The following MARCHF1 variants were observed in gnomAD, a reference collection of about 807,000 sequenced individuals.
MARCHF1 encodes the protein E3 ubiquitin-protein ligase MARCHF1.
A neutral mutation model predicts 54.2 loss-of-function variants in MARCHF1; 40 were observed. That is an observed-to-expected ratio of 0.74 (90% CI 0.57 to 0.96). The LOEUF is 0.96. Among genes scored for constraint, MARCHF1 ranks in the 40% least tolerant of loss-of-function variants. MARCHF1 has a pLI of 0.00. For synonymous variants in MARCHF1, 236 were observed against 236.3 expected (o/e 1.00, Z 0.01); for missense variants, 586 against 656.5 (o/e 0.89, Z 1.17).
Position 164,094,526 on chromosome 4 carries a change from C to T in MARCHF1, c.-248+17062G>A, listed in dbSNP as rs535828785. The stretch of plus-strand genomic sequence containing the variant: ...TCCATTGCCATAAGGTTATATAAGC[C>T]CTGCTTTCATATCACTCTTACCTAA... On this transcript the variant is annotated intron_variant, in intron 2 of 9. Coordinates refer to ENST00000514618, the MANE Select transcript of MARCHF1 (RefSeq NM_001394959.1). 5.9e-5 allele frequency among the ~76,000 whole-genome samples: 9 copies of T among 152,130 alleles called. No individual in the cohort carries two copies. The South Asian group carries it at 1.5e-3, about 25-fold the overall frequency.
chr4:163,679,318 T>C (rs1318093206), intron 5 of MARCHF1, among the ~76,000 whole-genome samples: 1 of 152,220 alleles, frequency 6.6e-6, no homozygotes, highest in Non-Finnish European at 1.5e-5. Flanking sequence ...TCTGAGTATG[T>C]TCTGCGTCCA....
At chr4:163,667,651 G>T (rs1743588719) in intron 5 of MARCHF1, among the ~76,000 whole-genome samples, 1 of 151,290 alleles carries the variant, frequency 6.6e-6, no homozygotes, top group Admixed American at 6.6e-5. Context: ...TTTGAGATGG[G>T]ATCTTGCTCT....
chr4:163,726,384 A>G (rs1408808477), intron 4 of MARCHF1, among the ~76,000 whole-genome samples: 1 of 152,182 alleles, frequency 6.6e-6, no homozygotes, highest in Non-Finnish European at 1.5e-5. Context: ...GTCTTTTCAG[A>G]TTGACTTCTT....
chr4:164,297,214 A>G (rs1039212226), intron 1 of MARCHF1, among the ~76,000 whole-genome samples: 4 of 152,192 alleles, frequency 2.6e-5, no homozygotes, highest in African/African-American at 9.6e-5. Context: ...AAGTCATTAA[A>G]AATGGAGATG....
chr4:164,195,255 A>G (rs929349472), intron 1 of MARCHF1, among the ~76,000 whole-genome samples: 2 of 152,052 alleles, frequency 1.3e-5, no homozygotes, highest in Non-Finnish European at 2.9e-5. Context: ...ATCAGCACTC[A>G]TATGTTTACC....
At chr4:163,759,568 C>A (rs577357932) in intron 4 of MARCHF1, among the ~76,000 whole-genome samples, 3 of 152,118 alleles carry the variant, frequency 2.0e-5, no homozygotes, top group Non-Finnish European at 4.4e-5. Context: ...AAATGTGATT[C>A]CATCTGGTGG....
intron 5 of MARCHF1, among the ~76,000 whole-genome samples, chr4:163,616,491 A>G (rs1326294390): frequency 1.3e-5 from 2 of 152,198 alleles, no homozygotes; most frequent in Non-Finnish European, 2.9e-5. Context: ...TGGCCAATAC[A>G]TATATGAAAA....
At chr4:163,828,004 T>G (rs889507869) in intron 4 of MARCHF1, among the ~76,000 whole-genome samples, 1 of 132,490 alleles carries the variant, frequency 7.5e-6, no homozygotes, top group Admixed American at 8.3e-5. Flanking sequence ...TCCAAAAGTG[T>G]GCGCAGGCAT....
chr4:163,601,852 A>T (rs1740982301), intron 7 of MARCHF1, among the ~76,000 whole-genome samples: 2 of 152,064 alleles, frequency 1.3e-5, no homozygotes, highest in South Asian at 4.1e-4. Context: ...ATTTCTAAAA[A>T]TTGAAGTGAC....
chr4:164,065,339 T>G (rs951932715), intron 2 of MARCHF1, among the ~76,000 whole-genome samples: 3 of 152,202 alleles, frequency 2.0e-5, no homozygotes, highest in Non-Finnish European at 4.4e-5. Context: ...ATAAAAATCC[T>G]GGAAGACAAC....
intron 1 of MARCHF1, among the ~76,000 whole-genome samples, chr4:164,248,660 A>G (rs1036213713): frequency 1.2e-4 from 19 of 152,092 alleles, no homozygotes; most frequent in Non-Finnish European, 2.8e-4. Context: ...GAAGTTCAGT[A>G]ATATATTCTC....
chr4:164,189,753 G>T, intron 1 of MARCHF1: 1 of 1,267,844 alleles, frequency 7.9e-7, no homozygotes, highest in Non-Finnish European at 1.2e-6. Flanking sequence ...TCAACCAACT[G>T]TCATAATCAA....
At chr4:163,929,548 T>C (rs1751609423) in intron 3 of MARCHF1, among the ~76,000 whole-genome samples, 1 of 151,996 alleles carries the variant, frequency 6.6e-6, no homozygotes, top group African/African-American at 2.4e-5. Flanking sequence ...GTATTTTTTT[T>C]CCCTTCATCA....
chr4:164,263,139 CGTGTGTGTGTGTGTGT>C (rs148563010), intron 1 of MARCHF1, among the ~76,000 whole-genome samples: 1 of 148,732 alleles, frequency 6.7e-6, no homozygotes, highest in Non-Finnish European at 1.5e-5. Context: ...TGTACGCGTG[CGTGTGTGTGTGTGTGT>C]GTGTATGAAA....
At chr4:164,206,243 C>G (rs1163547571) in intron 1 of MARCHF1, among the ~76,000 whole-genome samples, 2 of 152,148 alleles carry the variant, frequency 1.3e-5, no homozygotes, top group Non-Finnish European at 2.9e-5. Flanking sequence ...TCGAGACCAG[C>G]CTGGCCAACA....
intron 5 of MARCHF1, among the ~76,000 whole-genome samples, chr4:163,699,000 A>C (rs368305158): frequency 2.6e-5 from 4 of 152,182 alleles, no homozygotes; most frequent in African/African-American, 4.8e-5. Flanking sequence ...CTTATGTCAT[A>C]AAAGAGGCAA....
At chr4:163,860,601 C>T (rs1191145424) in intron 3 of MARCHF1, among the ~76,000 whole-genome samples, 2 of 152,254 alleles carry the variant, frequency 1.3e-5, no homozygotes, top group African/African-American at 4.8e-5. Flanking sequence ...CCGAGAAATA[C>T]AGGCTCACTA....
chr4:163,829,469 G>A (rs1478543562), intron 4 of MARCHF1, among the ~76,000 whole-genome samples: 1 of 151,998 alleles, frequency 6.6e-6, no homozygotes, highest in African/African-American at 2.4e-5. Context: ...TTTGACTTAT[G>A]CACTTTAATA....
At chr4:163,556,884 A>ATT (rs575344370) in intron 8 of MARCHF1, among the ~76,000 whole-genome samples, 89 of 144,180 alleles carry the variant, frequency 6.2e-4, no homozygotes, top group Non-Finnish European at 1.1e-3. Flanking sequence ...AAAACTGAAG[A>ATT]TTTTTTTTTT....
Sources: gnomAD v4.1 joint callset for allele counts (sites outside exome capture counted in the v4.1 genomes callset) on GRCh38, gnomAD v4.1.1 for gene constraint, MANE v1.5 for transcripts, NCBI Gene and HGNC (gene_info 2026-07-23, HGNC 2026-07-21) for gene names.